Variants in GFOD2 observed in about 807,000 individuals in gnomAD.
The protein encoded by GFOD2 is Gfo/Idh/MocA-like oxidoreductase domain containing 2.
A neutral mutation model predicts 24.6 loss-of-function variants in GFOD2; 9 were observed. That is an observed-to-expected ratio of 0.37 (90% CI 0.22 to 0.64). The LOEUF (loss-of-function observed/expected upper bound fraction) is 0.64, where lower values mean the gene tolerates loss of function less well. GFOD2 is among the 30% of genes least tolerant of loss of function. The pLI, the probability that GFOD2 is intolerant of heterozygous loss-of-function variation, is 0.65. For synonymous variants in GFOD2, 211 were observed against 224.8 expected, an observed-to-expected ratio of 0.94 and a Z score of 0.55; for missense variants, 476 against 532.5, an observed-to-expected ratio of 0.89 and a Z score of 1.04.
At chr16:67,676,080 T>A in intron 2 of GFOD2, 27 bp from the exon 3 acceptor site, 1 of 1,549,812 alleles carries the variant, frequency 6.5e-7, no homozygotes, top group Non-Finnish European at 8.8e-7. Flanking sequence ...ACAGGAAATC[T>A]CAAAGTTTCA....
At chr16:67,705,940 T>TA (rs1290789511) in intron 1 of GFOD2, among the ~76,000 whole-genome samples, 174 of 137,634 alleles carry the variant, frequency 1.3e-3, no homozygotes, top group Middle Eastern at 3.7e-3. Flanking sequence ...ACTCTATCTT[T>TA]AAAAAAAAAA....
intron 1 of GFOD2, among the ~76,000 whole-genome samples, chr16:67,710,030 C>T (rs1489575598): frequency 2.6e-5 from 4 of 152,188 alleles, no homozygotes; most frequent in Non-Finnish European, 4.4e-5. Flanking sequence ...ACCACAACCT[C>T]TGTTTCCTGG....
At chr16:67,683,982 T>C in intron 2 of GFOD2, 1 of 860,654 alleles carries the variant, frequency 1.2e-6, no homozygotes, top group Non-Finnish European at 1.4e-6. Context: ...TCAATTGGAC[T>C]ATAAAATCTG....
intron 1 of GFOD2, among the ~76,000 whole-genome samples, chr16:67,696,753 G>A (rs896715881): frequency 1.3e-5 from 2 of 152,194 alleles, no homozygotes; most frequent in African/African-American, 2.4e-5. Flanking sequence ...GATTATAGGC[G>A]TGAGCCACTG....
At chr16:67,709,894 T>G (rs996610886) in intron 1 of GFOD2, among the ~76,000 whole-genome samples, 1 of 151,554 alleles carries the variant, frequency 6.6e-6, no homozygotes, top group Non-Finnish European at 1.5e-5. Flanking sequence ...TCCCAAAGTG[T>G]TGGGATTACG....
chr16:67,705,736 C>T (rs563045577), intron 1 of GFOD2, among the ~76,000 whole-genome samples: 3 of 151,868 alleles, frequency 2.0e-5, no homozygotes, highest in South Asian at 2.1e-4. Context: ...GTCAGGAGTG[C>T]GAGACCAGCC....
intron 1 of GFOD2, among the ~76,000 whole-genome samples, chr16:67,708,819 T>C (rs2142997293): frequency 6.6e-6 from 1 of 152,274 alleles, no homozygotes; most frequent in East Asian, 1.9e-4. Flanking sequence ...CTCAGGCACA[T>C]TCCAAAAGGC....
chr16:67,695,724 C>T (rs573582699), intron 1 of GFOD2, among the ~76,000 whole-genome samples: 1 of 151,742 alleles, frequency 6.6e-6, no homozygotes, highest in East Asian at 2.0e-4. Context: ...TTAGTAGAGA[C>T]AGGGTTTCAC....
intron 1 of GFOD2, among the ~76,000 whole-genome samples, chr16:67,707,997 G>C (rs1253321277): frequency 1.3e-5 from 2 of 152,096 alleles, no homozygotes; most frequent in African/African-American, 2.4e-5. Flanking sequence ...TGGCGGTGGT[G>C]GCTGAGGCGG....
intron 2 of GFOD2, chr16:67,680,569 AC>A (rs1465410422): frequency 9.6e-6 from 2 of 207,398 alleles, no homozygotes; most frequent in African/African-American, 5.0e-5. Context: ...CCCTCCTCTC[AC>A]TTCCTACCCC....
chr16:67,685,402 G>A, intron 2 of GFOD2, 55 bp downstream of exon 2: 2 of 1,611,492 alleles, frequency 1.2e-6, no homozygotes, highest in South Asian at 1.1e-5. Context: ...GACCCTCAGA[G>A]GACTGCCCAG....
At chr16:67,692,729 TAA>T (rs746077184) in intron 1 of GFOD2, among the ~76,000 whole-genome samples, 2 of 128,514 alleles carry the variant, frequency 1.6e-5, no homozygotes. Flanking sequence ...GGGAATAATT[TAA>T]AAAAAAAAAA....
chr16:67,708,501 C>T (rs1403895009), intron 1 of GFOD2, among the ~76,000 whole-genome samples: 1 of 152,170 alleles, frequency 6.6e-6, no homozygotes, highest in Admixed American at 6.5e-5. Context: ...AGGAAGTCCT[C>T]ACCACTCATG....
At chr16:67,703,596 C>A (rs1423368017) in intron 1 of GFOD2, among the ~76,000 whole-genome samples, 2 of 152,096 alleles carry the variant, frequency 1.3e-5, no homozygotes, top group African/African-American at 4.8e-5. Flanking sequence ...CTGGAATTAC[C>A]ACCAGGAGGT....
In GFOD2 at chr16:67,685,472, A is replaced by G. The variant is rs1441562642; in HGVS notation, c.244T>C (p.Ser82Pro). 1 of 1,613,994 alleles carries G rather than the reference A, an allele frequency of 6.2e-7. No homozygotes were observed. The highest frequency in any genetic ancestry group is 8.5e-7 in the Non-Finnish European group (1 of 1,180,018). ...SIPPPLTRQI[S>P]VKALGIGKNV... Reference sequence around the variant, plus strand: ...CCGGGCGTACCTAGAGCCTTCACGGATATCTGCCGGGTGAGTGGAGGGGGG... The same window carrying G: ...CCGGGCGTACCTAGAGCCTTCACGGGTATCTGCCGGGTGAGTGGAGGGGGG... Residue 82 changes from serine to proline, a missense_variant, in exon 2 of 3, where the codon TCC (serine) becomes CCC (proline). By Grantham distance (74) the Ser-to-Pro change is moderately conservative. Transcript: ENST00000268797.
intron 1 of GFOD2, among the ~76,000 whole-genome samples, chr16:67,688,194 T>G (rs1276677742): frequency 6.6e-6 from 1 of 152,006 alleles, no homozygotes; most frequent in Non-Finnish European, 1.5e-5. Flanking sequence ...ATCAGAAGTA[T>G]GGGGTTTTTT....
intron 1 of GFOD2, among the ~76,000 whole-genome samples, chr16:67,717,790 C>CAATA (rs143164474): frequency 6.6e-6 from 1 of 151,040 alleles, no homozygotes; most frequent in African/African-American, 2.5e-5. Context: ...GACTCCGTCT[C>CAATA]GATAGATAGA....
At chr16:67,703,578 C>CTTT (rs2053419123) in intron 1 of GFOD2, among the ~76,000 whole-genome samples, 2 of 152,172 alleles carry the variant, frequency 1.3e-5, no homozygotes, top group African/African-American at 2.4e-5. Context: ...ACCCCTGCCC[C>CTTT]TTTCTGTCTG....
Position 67,676,004 on chromosome 16 carries a change from G to A in GFOD2, c.309C>T (p.Ala103=), listed in dbSNP as rs1213775469. ...VCEKAATSVD[A]FRMVTASRYY... Reference sequence around the variant, plus strand: ...AGCGCGAGGCTGTCACCATCCGGAAGGCATCCACCGATGTTGCTGCCTTCT... The same window carrying A: ...AGCGCGAGGCTGTCACCATCCGGAAAGCATCCACCGATGTTGCTGCCTTCT... The change falls in exon 3 of 3, where the codon GCC becomes GCT. Residue 103 remains alanine, a synonymous_variant. Coordinates refer to ENST00000268797, the MANE Select transcript of GFOD2 (RefSeq NM_030819.4). The A allele has an allele frequency of 6.2e-7, 1 of 1,613,906 alleles. No individual in the cohort carries two copies. The highest frequency in any genetic ancestry group is 1.3e-5 in the African/African-American group (1 of 74,926).
Sources: allele counts gnomAD v4.1 joint callset (sites outside exome capture counted in the v4.1 genomes callset), GRCh38; gene constraint gnomAD v4.1.1; transcripts MANE v1.5; gene names NCBI Gene and HGNC (gene_info 2026-07-23, HGNC 2026-07-21).